The following ZNF560 variants were observed in gnomAD, a reference collection of about 807,000 sequenced individuals.
ZNF560 encodes zinc finger protein 560.
A neutral mutation model predicts 81.8 loss-of-function variants in ZNF560; 54 were observed. The ratio of observed to expected loss-of-function variants is 0.66; its 90% CI spans 0.53 to 0.83. The LOEUF is 0.83. Ranked by LOEUF, ZNF560 falls within the 40% of genes least tolerant of loss-of-function variation. The probability of loss-of-function intolerance (pLI) is 0.00; values close to 1 mark genes in which losing one functional copy is unlikely to be tolerated. For missense variants in ZNF560, 940 were observed against 932.4 expected (o/e 1.01, Z -0.11); for synonymous variants, 321 against 317.9 (o/e 1.01, Z -0.10).
At chr19:9,482,009 C>G (rs371716077) in intron 2 of ZNF560, among the ~76,000 whole-genome samples, 3 of 152,284 alleles carry the variant, frequency 2.0e-5, no homozygotes, top group South Asian at 2.1e-4. Context: ...CAATAGCAAA[C>G]ACTTGGAACC....
chr19:9,475,607 C>T, intron 2 of ZNF560, among the ~76,000 whole-genome samples: 1 of 139,970 alleles, frequency 7.1e-6, no homozygotes, highest in South Asian at 2.3e-4. Context: ...GGTAAAGAAA[C>T]TTTTTTTTTT....
At chr19:9,473,086 G>A (rs2073147417) in intron 5 of ZNF560, 93 bp downstream of exon 5, 5 of 976,546 alleles carry the variant, frequency 5.1e-6, no homozygotes, top group Non-Finnish European at 8.2e-6. Context: ...CCAGTCTCAG[G>A]TATTTCTTTC....
the ZNF560 span, among the ~76,000 whole-genome samples, chr19:9,454,502 A>G: frequency 1.3e-3 from 200 of 152,282 alleles, no homozygotes; most frequent in African/African-American, 4.6e-3. Context: ...AGCAATCCCC[A>G]TGGTAAGTAA....
the ZNF560 span, among the ~76,000 whole-genome samples, chr19:9,460,127 T>C: frequency 6.6e-6 from 1 of 152,154 alleles, no homozygotes; most frequent in African/African-American, 2.4e-5. Flanking sequence ...CATCGAGATA[T>C]CTAAAGCCCT....
At chr19:9,499,994 T>C (rs1445458831), upstream of ZNF560, among the ~76,000 whole-genome samples, 1 of 152,228 alleles carries the variant, frequency 6.6e-6, no homozygotes, top group Non-Finnish European at 1.5e-5. Flanking sequence ...CAAAATTCTC[T>C]ATATATCAAA....
intron 2 of ZNF560, among the ~76,000 whole-genome samples, chr19:9,490,900 G>A (rs920769803): frequency 6.6e-6 from 1 of 152,082 alleles, no homozygotes; most frequent in Admixed American, 6.6e-5. Context: ...AGAATTACGG[G>A]GGACTATCAT....
chr19:9,506,614 G>C, the ZNF560 span, among the ~76,000 whole-genome samples: 1 of 152,008 alleles, frequency 6.6e-6, no homozygotes, highest in Non-Finnish European at 1.5e-5. Flanking sequence ...TTGAGTTACT[G>C]TCTAGCATCC....
At chr19:9,480,915 C>T (rs1349726577) in intron 2 of ZNF560, among the ~76,000 whole-genome samples, 3 of 152,064 alleles carry the variant, frequency 2.0e-5, no homozygotes, top group Admixed American at 2.0e-4. Context: ...GTAAAACCCT[C>T]TCTACAAAAA....
At chr19:9,477,325 C>T (rs547043874) in intron 2 of ZNF560, among the ~76,000 whole-genome samples, 7 of 152,176 alleles carry the variant, frequency 4.6e-5, no homozygotes, top group South Asian at 4.1e-4. Context: ...ACTTAGGAAG[C>T]GGTGAACCAG....
chr19:9,450,299 A>T, the ZNF560 span, among the ~76,000 whole-genome samples: 3 of 151,756 alleles, frequency 2.0e-5, no homozygotes, highest in Admixed American at 1.3e-4. Flanking sequence ...TCAAAAAAAA[A>T]AACTGAAAAA....
At chr19:9,494,832 G>A (rs994332309) in intron 2 of ZNF560, among the ~76,000 whole-genome samples, 10 of 152,066 alleles carry the variant, frequency 6.6e-5, no homozygotes, top group African/African-American at 1.4e-4. Flanking sequence ...ACTTGAACCC[G>A]GGAGGCAGAG....
chr19:9,504,852 C>A, the ZNF560 span, among the ~76,000 whole-genome samples: 1 of 152,060 alleles, frequency 6.6e-6, no homozygotes, highest in Non-Finnish European at 1.5e-5. Context: ...TCTGGGAGGC[C>A]AAGGAGGGTG....
At chr19:9,458,299 G>C in the ZNF560 span, among the ~76,000 whole-genome samples, 1 of 152,068 alleles carries the variant, frequency 6.6e-6, no homozygotes, top group Non-Finnish European at 1.5e-5. Context: ...TAACTAATTG[G>C]ATTCTCCCTA....
At chr19:9,500,977 G>C (rs2073628203), upstream of ZNF560, among the ~76,000 whole-genome samples, 1 of 151,998 alleles carries the variant, frequency 6.6e-6, no homozygotes, top group African/African-American at 2.4e-5. Flanking sequence ...TTGTACTAAT[G>C]TGAAGAATTA....
chr19:9,496,621 A>T (rs1568468691), intron 2 of ZNF560, among the ~76,000 whole-genome samples: 1 of 149,770 alleles, frequency 6.7e-6, no homozygotes, highest in Non-Finnish European at 1.5e-5. Flanking sequence ...ACAGGGAGGA[A>T]GGCAAGAAAA....
At chr19:9,495,732 G>T (rs963566639) in intron 2 of ZNF560, among the ~76,000 whole-genome samples, 18 of 152,198 alleles carry the variant, frequency 1.2e-4, no homozygotes, top group African/African-American at 4.3e-4. Context: ...GGGAAAGAAA[G>T]AAAAGAAAGA....
intron 2 of ZNF560, among the ~76,000 whole-genome samples, chr19:9,482,968 A>C (rs1023565815): frequency 1.3e-5 from 2 of 152,158 alleles, no homozygotes; most frequent in African/African-American, 4.8e-5. Flanking sequence ...CTCAGTGCTC[A>C]ATGTTGCTCA....
At chr19:9,486,612 T>G (rs537232452) in intron 2 of ZNF560, among the ~76,000 whole-genome samples, 1 of 151,958 alleles carries the variant, frequency 6.6e-6, no homozygotes, top group South Asian at 2.1e-4. Context: ...TGGTGGCAGG[T>G]GCCTGTAATC....
At position 9,469,174 on chromosome 19, in the gene ZNF560, G is replaced by A; in HGVS notation, c.543C>T (p.Cys181=). ...LPRVLQEWKM[C]LKTKGPALWQ... is the part of the protein sequence containing the mutation. The stretch of plus-strand genomic sequence containing the variant: ...AAAGGGCTGGCCCTTTGGTTTTCAG[G>A]CACATTTTCCATTCTGAAATAAAAG... The change falls in exon 9 of 10, where the codon TGC becomes TGT. Residue 181 remains cysteine (C), a synonymous_variant. Coordinates refer to ENST00000301480, the MANE Select transcript of ZNF560 (RefSeq NM_152476.3). The A allele has an allele frequency of 6.3e-7, 1 of 1,592,322 alleles. No homozygotes were observed. The highest frequency in any genetic ancestry group is 8.5e-7 in the Non-Finnish European group (1 of 1,172,110).
Sources: allele counts gnomAD v4.1 joint callset (sites outside exome capture counted in the v4.1 genomes callset), GRCh38; gene constraint gnomAD v4.1.1; transcripts MANE v1.5; gene names NCBI Gene and HGNC (gene_info 2026-07-23, HGNC 2026-07-21).